ERBB4: variants seen among roughly 807,000 people sequenced by gnomAD.
ERBB4 encodes the protein erb-b2 receptor tyrosine kinase 4.
ERBB4 carries 42 observed loss-of-function variants against 158.0 expected under a neutral mutation model. The ratio of observed to expected loss-of-function variants is 0.27; its 90% confidence interval spans 0.21 to 0.34. ERBB4 has a LOEUF of 0.34. Among genes scored for constraint, ERBB4 ranks in the 10% least tolerant of loss-of-function variants. The pLI, the probability that ERBB4 is intolerant of heterozygous loss-of-function variation, is 1.00. For synonymous variants in ERBB4, 583 were observed against 558.7 expected, an observed-to-expected ratio of 1.04 and a Z score of -0.61; for missense variants, 1,333 against 1,624.1, an observed-to-expected ratio of 0.82 and a Z score of 3.08.
chr2:212,197,172 C>T (rs2082451527), intron 1 of ERBB4, among the ~76,000 whole-genome samples: 1 of 152,224 alleles, frequency 6.6e-6, no homozygotes, highest in South Asian at 2.1e-4. Flanking sequence ...TCTTCCCTGG[C>T]AATACTCATT....
chr2:211,770,999 C>T (rs1367164155), intron 4 of ERBB4, among the ~76,000 whole-genome samples: 1 of 152,176 alleles, frequency 6.6e-6, no homozygotes, highest in East Asian at 1.9e-4. Context: ...ATGCCAATTT[C>T]AAACTAACAC....
At chr2:212,237,802 C>G (rs191619108) in intron 1 of ERBB4, among the ~76,000 whole-genome samples, 1 of 152,194 alleles carries the variant, frequency 6.6e-6, no homozygotes, top group African/African-American at 2.4e-5. Context: ...AGAGAGGCAG[C>G]CTGGCTACAT....
At chr2:211,665,302 T>C (rs1381119118) in intron 15 of ERBB4, 21 bp downstream of exon 15, 1 of 1,613,738 alleles carries the variant, frequency 6.2e-7, no homozygotes, top group South Asian at 1.1e-5. Context: ...AGGTGAGCCC[T>C]TGGCCAGCAA....
chr2:211,532,288 A>G (rs2066522320), intron 20 of ERBB4, among the ~76,000 whole-genome samples: 1 of 152,082 alleles, frequency 6.6e-6, no homozygotes. Flanking sequence ...AAAAGAGTAT[A>G]ATTAGATTGT....
chr2:212,210,025 C>T (rs761972102), intron 1 of ERBB4, among the ~76,000 whole-genome samples: 19 of 152,054 alleles, frequency 1.2e-4, no homozygotes, highest in Non-Finnish European at 2.4e-4. Context: ...ATAACTTGCT[C>T]AGAAAGGTCA....
At chr2:212,476,158 C>CACACAT (rs1265797665) in intron 1 of ERBB4, among the ~76,000 whole-genome samples, 1,993 of 151,172 alleles carry the variant, frequency 0.013, 48 homozygotes, top group African/African-American at 0.046. Context: ...CTCTGTCACA[C>CACACAT]ACACACACAC....
intron 2 of ERBB4, among the ~76,000 whole-genome samples, chr2:212,087,495 G>A (rs1443376357): frequency 6.6e-6 from 1 of 152,028 alleles, no homozygotes; most frequent in African/African-American, 2.4e-5. Flanking sequence ...CATAGTAAGT[G>A]CTTAACAAAT....
chr2:212,218,452 T>C (rs1001544622), intron 1 of ERBB4, among the ~76,000 whole-genome samples: 8 of 151,290 alleles, frequency 5.3e-5, no homozygotes, highest in African/African-American at 1.9e-4. Flanking sequence ...CATCCTTGCT[T>C]ACTATTAAGG....
intron 1 of ERBB4, among the ~76,000 whole-genome samples, chr2:212,350,967 AG>A (rs1264363803): frequency 2.0e-5 from 3 of 152,168 alleles, no homozygotes; most frequent in Non-Finnish European, 4.4e-5. Context: ...TCCATGGAGC[AG>A]GGAAGGGCTA....
rs1350698961 is a variant in ERBB4, at chr2:211,705,249, G to A, written c.1198+69C>T. ...TTACTGGTGTGAGCCACGATGCCCAGTCAATCTTGTGTAATTTTTAAAAAA... is the reference window on the plus strand; with the variant it reads ...TTACTGGTGTGAGCCACGATGCCCAATCAATCTTGTGTAATTTTTAAAAAA... On this transcript the variant is annotated intron_variant, in intron 10 of 27. Transcript: ENST00000342788. The A allele has an allele frequency of 4.5e-6, 5 of 1,110,366 alleles. No individual in the cohort carries two copies. The Admixed American group carries it at 6.8e-5, about 15-fold the overall frequency. 68.8% of individuals were successfully genotyped at this position (1,110,366 alleles called of 1,614,324 possible).
intron 20 of ERBB4, among the ~76,000 whole-genome samples, chr2:211,548,665 G>A (rs763696231): frequency 1.1e-4 from 17 of 151,978 alleles, no homozygotes; most frequent in Non-Finnish European, 1.6e-4. Context: ...ACCAAGAACC[G>A]TGACCTTACC....
chr2:211,825,221 A>C (rs943456154), intron 3 of ERBB4, among the ~76,000 whole-genome samples: 1 of 151,910 alleles, frequency 6.6e-6, no homozygotes, highest in African/African-American at 2.4e-5. Context: ...AAATTAAAAC[A>C]TGTAGATTTA....
rs555633471 is a variant in ERBB4, at chr2:211,382,726, A to G, written c.*889T>C. 1 of 232,722 alleles carries G rather than the reference A, an allele frequency of 4.3e-6. No homozygotes were observed. Among genetic ancestry groups the G allele is most frequent in the African/African-American group, 2.2e-5 (1 of 45,444 alleles). The allele number at this position is 232,722 out of a possible 1,614,324, so 14.4% of individuals were successfully genotyped here. A position where few individuals can be genotyped will look rare whatever the true frequency, so the allele number is the denominator to read the frequency against. On this transcript the variant is annotated 3_prime_UTR_variant, in exon 28 of 28. Transcript: ENST00000342788. ...ATCAAGTAGTGTCATTTATGGAGAA[A>G]AAAAAATGTTGAAAAATGTAAAGGA...
In ERBB4 at chr2:211,797,806, C is replaced by T. The variant is rs772312862; in HGVS notation, c.422-9647G>A. Among the ~76,000 whole-genome samples the T allele has an allele frequency of 5.9e-5, 9 of 151,898 alleles. 1 individual carries two copies. In the South Asian group the frequency reaches 6.2e-4, roughly 10 times the overall value. ...TGGAAGATTATTTTAAAAGCCACAA[C>T]ACGAAGGTCCAAATTAATTTTCTTT... On this transcript the variant is annotated intron_variant, in intron 3 of 27. Transcript: ENST00000342788.
At chr2:211,571,041 C>CTTTTTTTTTTTTTTTT (rs549254649) in intron 19 of ERBB4, among the ~76,000 whole-genome samples, 6 of 109,080 alleles carry the variant, frequency 5.5e-5, no homozygotes, top group African/African-American at 2.1e-4. Context: ...TACTCTTCTT[C>CTTTTTTTTTTTTTTTT]TTTTTTTTTT....
rs141746004 is a variant in ERBB4 at position 211,876,508 on chromosome 2, C to G, written c.421+70922G>C. On this transcript the variant is annotated intron_variant, in intron 3 of 27. Transcript: ENST00000342788. Reference sequence around the variant, plus strand: ...TTAGTTAATATTAATAGATACTTTTCCCTCATGAATGTGTTGTTTTCTGGA... The same window carrying G: ...TTAGTTAATATTAATAGATACTTTTGCCTCATGAATGTGTTGTTTTCTGGA... Among the ~76,000 whole-genome samples the G allele has an allele frequency of 9.0e-4, 137 of 152,160 alleles. 2 individuals carry two copies. In the East Asian group the frequency reaches 0.023, roughly 26 times the overall value.
chr2:211,879,748 T>C (rs923449627), intron 3 of ERBB4, among the ~76,000 whole-genome samples: 79 of 151,990 alleles, frequency 5.2e-4, no homozygotes, highest in African/African-American at 1.7e-3. Context: ...TAAATGTACA[T>C]CAGAGAGTTT....
intron 1 of ERBB4, among the ~76,000 whole-genome samples, chr2:212,169,227 T>C (rs1164409782): frequency 2.0e-5 from 3 of 152,154 alleles, no homozygotes; most frequent in Non-Finnish European, 4.4e-5. Flanking sequence ...AAAATATTTA[T>C]TTTAATAAAG....
rs1491239788 is a variant in ERBB4, at chr2:211,939,966, A to AAAAATATATATAT, written c.421+7463_421+7464insATATATATATTTT. Among the ~76,000 whole-genome samples the AAAAATATATATAT allele has an allele frequency of 1.2e-4, 17 of 137,434 alleles. No individual in the cohort carries two copies. The South Asian group carries it at 3.1e-3, about 25-fold the overall frequency. 90.2% of individuals were successfully genotyped at this position (137,434 alleles called of 152,430 possible). On this transcript the variant is annotated intron_variant, in intron 3 of 27. Coordinates refer to ENST00000342788, the MANE Select transcript of ERBB4 (RefSeq NM_005235.3). The stretch of plus-strand genomic sequence containing the variant: ...CGTCTCAAAAAAAAAGGAAAAAAAA[A>AAAAATATATATAT]ATATATATATATATGTATATAGATA...
Sources: allele counts gnomAD v4.1 joint callset (sites outside exome capture counted in the v4.1 genomes callset), GRCh38; gene constraint gnomAD v4.1.1; transcripts MANE v1.5; gene names NCBI Gene and HGNC (gene_info 2026-07-23, HGNC 2026-07-21).